The following TECTA variants were observed in gnomAD, a reference collection of about 807,000 sequenced individuals.
TECTA encodes the protein alpha-tectorin.
Under a neutral mutation model 216.8 loss-of-function variants are expected in TECTA, and 128 were observed. The observed-to-expected ratio is 0.59, with a 90% confidence interval of 0.51 to 0.68. The LOEUF is 0.68. TECTA is among the 30% of genes least tolerant of loss of function. The pLI is 0.00. For missense variants in TECTA, 2,551 were observed against 2,786.2 expected, an observed-to-expected ratio of 0.92 and a Z score of 1.90; for synonymous variants, 1,089 against 1,117.1, an observed-to-expected ratio of 0.97 and a Z score of 0.50.
Position 121,129,881 on chromosome 11 carries a change from C to G in TECTA, c.2611C>G (p.Leu871Val). 1.9e-6 allele frequency: 3 copies of G among 1,614,208 alleles called. No individual in the cohort carries two copies. The highest frequency in any genetic ancestry group is 1.7e-5 in the Admixed American group (1 of 60,028). Residue 871 changes from leucine (L) to valine (V), a missense_variant, in exon 10 of 24, where the codon CTG becomes GTG. Leu to Val is a conservative substitution (Grantham distance 32, BLOSUM62 1). Around this residue, in one of 3 missense-constraint regions of TECTA, gnomAD observed 2,375 missense variants for 2,563.9 expected, o/e 0.93. Transcript: ENST00000392793. ...CLPNGKCTDN[L>V]AVFLESWTTF... ...CCCCAACGGCAAGTGCACGGACAAC[C>G]TGGCAGTGTTCCTGGAAAGCTGGAC...
At position 121,162,017 on chromosome 11, in the gene TECTA, A is replaced by G. The variant is rs1947004634; in HGVS notation, c.4977-58A>G. 13 of 1,609,504 alleles carry G rather than the reference A, an allele frequency of 8.1e-6. No individual in the cohort carries two copies. The South Asian group carries it at 1.2e-4, about 15-fold the overall frequency. Reference sequence around the variant, plus strand: ...GGGGTAGCAAAACAGGTACAGATGCAATTTACCTTCCATTGGAGATCTCAG... The same window carrying G: ...GGGGTAGCAAAACAGGTACAGATGCGATTTACCTTCCATTGGAGATCTCAG... On this transcript the variant is annotated intron_variant, in intron 15 of 23. Coordinates refer to ENST00000392793, the MANE Select transcript of TECTA (RefSeq NM_005422.4).
Position 121,127,751 on chromosome 11 carries a change from G to A in TECTA, c.1775-1G>A, listed in dbSNP as rs145102698. The A allele has an allele frequency of 6.2e-7, 1 of 1,614,082 alleles. No individual in the cohort carries two copies. Among genetic ancestry groups the A allele is most frequent in the Non-Finnish European group, 8.5e-7 (1 of 1,179,986 alleles). The stretch of plus-strand genomic sequence containing the variant: ...CGGCTCTCTTCCTTTCCCCGCGTCA[G>A]TGTCCACAGTGCAGTGCCCGAGCTT... On this transcript the variant is annotated splice_acceptor_variant, in intron 8 of 23. Transcript: ENST00000392793. LOFTEE classifies it high-confidence loss of function. This position sits in a 1 kb window ranked among gnomAD's most constrained non-coding sequence, Gnocchi z 5.0.
chr11:121,106,083 A>G, intron 3 of TECTA, 119 bp downstream of exon 3: 1 of 1,493,574 alleles, frequency 6.7e-7, no homozygotes, highest in Admixed American at 1.7e-5. Context: ...TTGGCAGCCA[A>G]AACGACAAGT....
In TECTA at chr11:121,152,990, C is replaced by T; in HGVS notation, c.4215C>T (p.Gly1405=). 6.2e-7 allele frequency: 1 copy of T among 1,614,218 alleles called. No individual in the cohort carries two copies. The highest frequency in any genetic ancestry group is 8.5e-7 in the Non-Finnish European group (1 of 1,180,050). Residue 1405 remains glycine, a synonymous_variant, in exon 13 of 24, where the codon GGC becomes GGT. Transcript: ENST00000392793. ...ACTGCAGCCACTACTGCGTGGAGGG[C>T]TGTCACTGCGACGCTGGCTACGTCC... ...KSDCSHYCVE[G]CHCDAGYVLN...
chr11:121,189,428 C>T (rs938511559), intron 22 of TECTA, among the ~76,000 whole-genome samples: 5 of 151,030 alleles, frequency 3.3e-5, no homozygotes, highest in Admixed American at 6.6e-5. Context: ...AGCTGGAGAG[C>T]GGTGGCGCAA....
chr11:121,110,364 C>G (rs1591436574), intron 4 of TECTA: 1 of 152,172 alleles, frequency 6.6e-6, no homozygotes, highest in Non-Finnish European at 1.5e-5. Context: ...TTTCCAATTT[C>G]CTTGGCAACG....
chr11:121,189,362 T>C (rs2134217147), intron 22 of TECTA, among the ~76,000 whole-genome samples, 195 bp downstream of exon 22: 1 of 146,342 alleles, frequency 6.8e-6, no homozygotes, highest in East Asian at 2.0e-4. Context: ...ATTGAGGTTT[T>C]CTTTGTCCTC....
chr11:121,130,120 G>A lies in TECTA; in HGVS notation c.2850G>A (p.Glu950=). ...LFRLCQSGGN[E]SELCDSVARY... is the part of the protein sequence containing the mutation. ...GCCTGTGCCAGAGTGGGGGCAATGA[G>A]TCAGAGCTCTGTGACTCTGTGGCCC... Residue 950 remains glutamate, a synonymous_variant, in exon 10 of 24, where the codon GAG becomes GAA. Transcript: ENST00000392793. 1 of 1,612,544 alleles carries A rather than the reference G, an allele frequency of 6.2e-7. No individual in the cohort carries two copies. Among genetic ancestry groups the A allele is most frequent in the Non-Finnish European group, 8.5e-7 (1 of 1,180,046 alleles).
rs187754606 is a variant in TECTA at position 121,139,317 on chromosome 11, G to A, written c.3543+1295G>A. 1.1e-4 allele frequency among the ~76,000 whole-genome samples: 16 copies of A among 152,314 alleles called. No homozygotes were observed. In the East Asian group the frequency reaches 3.1e-3, roughly 29 times the overall value. ...TCTAATCATGGGCTTCTTAAGGGCA[G>A]GAACCATACATACCTAATTCATCTT... is the stretch of plus-strand genomic sequence containing the variant. On this transcript the variant is annotated intron_variant, in intron 11 of 23. Coordinates refer to ENST00000392793, the MANE Select transcript of TECTA (RefSeq NM_005422.4).
intron 23 of TECTA, 83 bp from the exon 24 acceptor site, chr11:121,190,623 C>A: frequency 9.2e-7 from 1 of 1,087,076 alleles, no homozygotes; most frequent in Non-Finnish European, 1.4e-6. Context: ...CTTTCTTTAG[C>A]TGAGTGCTGC....
intron 21 of TECTA, among the ~76,000 whole-genome samples, chr11:121,188,775 C>T (rs1947312973): frequency 6.6e-6 from 1 of 152,220 alleles, no homozygotes; most frequent in Non-Finnish European, 1.5e-5. Flanking sequence ...TGAGACACAG[C>T]AATCCTATTC....
intron 3 of TECTA, among the ~76,000 whole-genome samples, chr11:121,108,564 A>G (rs1410365440): frequency 4.3e-5 from 5 of 116,852 alleles, no homozygotes; most frequent in Non-Finnish European, 6.2e-5. Flanking sequence ...CCCCCAGTAC[A>G]CACACACACA....
chr11:121,153,017 C>G lies in TECTA; in HGVS notation c.4242C>G (p.Leu1414=). 6.2e-7 allele frequency: 1 copy of G among 1,614,214 alleles called. No homozygotes were observed. The highest frequency in any genetic ancestry group is 1.1e-5 in the South Asian group (1 of 91,088). ...EGCHCDAGYV[L]NGKSCILPHS... is the part of the protein sequence containing the mutation. ...GTCACTGCGACGCTGGCTACGTCCT[C>G]AACGGCAAGAGCTGCATCCTGCCCC... Residue 1414 remains leucine (L), a synonymous_variant, in exon 13 of 24, where the codon CTC becomes CTG. Coordinates refer to ENST00000392793, the MANE Select transcript of TECTA (RefSeq NM_005422.4).
chr11:121,173,147 C>A (rs571112546), intron 20 of TECTA, among the ~76,000 whole-genome samples: 1 of 152,158 alleles, frequency 6.6e-6, no homozygotes, highest in Non-Finnish European at 1.5e-5. Flanking sequence ...GTTGCCTGTT[C>A]ACTCTGGTGG....
intron 11 of TECTA, among the ~76,000 whole-genome samples, chr11:121,138,289 C>T (rs1203801952): frequency 1.3e-5 from 2 of 152,208 alleles, no homozygotes; most frequent in Non-Finnish European, 2.9e-5. Context: ...CGTATGGCAG[C>T]AGAGCATGCT....
intron 7 of TECTA, among the ~76,000 whole-genome samples, chr11:121,122,384 C>A (rs1443076907): frequency 6.6e-6 from 1 of 152,102 alleles, no homozygotes; most frequent in Non-Finnish European, 1.5e-5. Flanking sequence ...AATCTGCTAG[C>A]CCCCTGACCT....
chr11:121,152,807 G>A (rs1303927800), intron 12 of TECTA, 74 bp from the exon 13 acceptor site: 21 of 1,493,106 alleles, frequency 1.4e-5, no homozygotes, highest in Admixed American at 3.6e-5. Context: ...CTGAGTAGGT[G>A]AGCAATGGCC....
Position 121,105,716 on chromosome 11 carries a change from T to TG in TECTA, c.65-114dup. On this transcript the variant is annotated intron_variant, in intron 2 of 23. Transcript: ENST00000392793. This position sits in a 1 kb window ranked among gnomAD's most constrained non-coding sequence, Gnocchi z 5.3. ...GGATGAATGACAGGGCAGTATGACT[T>TG]GCATTCAGCTTGCAAGCCCTACTGA... 1 of 1,345,182 alleles carries TG rather than the reference T, an allele frequency of 7.4e-7. No homozygotes were observed. The highest frequency in any genetic ancestry group is 1.2e-5 in the South Asian group (1 of 81,338). The allele number at this position is 1,345,182 out of a possible 1,614,324, so 83.3% of individuals were successfully genotyped here. A position where few individuals can be genotyped will look rare whatever the true frequency, so the allele number is the denominator to read the frequency against.
intron 7 of TECTA, among the ~76,000 whole-genome samples, chr11:121,123,357 C>G (rs777985922): frequency 1.3e-5 from 2 of 152,238 alleles, no homozygotes; most frequent in Non-Finnish European, 2.9e-5. Context: ...ATTATTCCCT[C>G]ATTTCTCATG....
Sources: allele counts gnomAD v4.1 joint callset (sites outside exome capture counted in the v4.1 genomes callset), GRCh38; gene constraint gnomAD v4.1.1; regional missense constraint gnomAD v4.1.1; non-coding constraint Gnocchi (gnomAD v3.1); transcripts MANE v1.5; gene names NCBI Gene and HGNC (gene_info 2026-07-23, HGNC 2026-07-21).